The following PRKACB variants were observed in gnomAD, a reference collection of about 807,000 sequenced individuals.
The protein encoded by PRKACB is protein kinase cAMP-activated catalytic subunit beta, also known as cAMP-dependent protein kinase catalytic subunit beta.
Under a neutral mutation model 51.4 loss-of-function variants are expected in PRKACB, and 16 were observed. The observed-to-expected ratio is 0.31, with a 90% CI of 0.21 to 0.47. The LOEUF (loss-of-function observed/expected upper bound fraction) is 0.47. Among genes scored for constraint, PRKACB ranks in the 20% least tolerant of loss-of-function variants. The pLI is 1.00. For synonymous variants in PRKACB, 147 were observed against 154.4 expected (o/e 0.95, Z 0.35); for missense variants, 309 against 464.5 (o/e 0.67, Z 3.08).
chr1:84,216,323 A>T (rs138671186), intron 9 of PRKACB, among the ~76,000 whole-genome samples: 43 of 152,252 alleles, frequency 2.8e-4, no homozygotes, highest in African/African-American at 1.0e-3. Flanking sequence ...TGGGTGACAG[A>T]ACAAGACCCC....
chr1:84,146,293 T>C (rs1488167837), intron 1 of PRKACB, among the ~76,000 whole-genome samples: 2 of 151,958 alleles, frequency 1.3e-5, no homozygotes, highest in Non-Finnish European at 2.9e-5. Flanking sequence ...ATTCCTCTAC[T>C]TGACTCTCCT....
At chr1:84,160,941 G>A (rs951607257) in intron 1 of PRKACB, among the ~76,000 whole-genome samples, 2 of 151,838 alleles carry the variant, frequency 1.3e-5, no homozygotes, top group African/African-American at 2.4e-5. Context: ...ATAAGAATGT[G>A]TATTCTGCTG....
chr1:84,168,254 G>C (rs1658178276), intron 1 of PRKACB, among the ~76,000 whole-genome samples: 1 of 151,552 alleles, frequency 6.6e-6, no homozygotes. Context: ...TTTTCTCTCT[G>C]AGATCACATG....
intron 1 of PRKACB, among the ~76,000 whole-genome samples, chr1:84,129,650 C>G (rs890738581): frequency 6.6e-6 from 1 of 152,114 alleles, no homozygotes; most frequent in Non-Finnish European, 1.5e-5. Context: ...ATGAGATTAG[C>G]TTCTAGTTCC....
At chr1:84,233,069 G>A (rs1423925874) in intron 9 of PRKACB, among the ~76,000 whole-genome samples, 1 of 151,448 alleles carries the variant, frequency 6.6e-6, no homozygotes, top group African/African-American at 2.4e-5. Flanking sequence ...TCCTTTCCAT[G>A]TTTAGCACTT....
intron 1 of PRKACB, among the ~76,000 whole-genome samples, chr1:84,088,458 T>C (rs1002440662): frequency 1.3e-5 from 2 of 152,208 alleles, no homozygotes; most frequent in Non-Finnish European, 2.9e-5. Flanking sequence ...GTATTCTTCT[T>C]AAGTAGATGA....
chr1:84,181,276 A>T (rs950628972), intron 2 of PRKACB, among the ~76,000 whole-genome samples: 2 of 151,964 alleles, frequency 1.3e-5, no homozygotes, highest in Non-Finnish European at 2.9e-5. Context: ...CAAGCTAAAC[A>T]CTACATACTG....
chr1:84,157,900 T>C (rs1050300115), intron 1 of PRKACB, among the ~76,000 whole-genome samples: 1 of 152,134 alleles, frequency 6.6e-6, no homozygotes, highest in Non-Finnish European at 1.5e-5. Flanking sequence ...TTATTTCTCT[T>C]GGGTAGATAT....
At chr1:84,180,202 ATATATAT>A in intron 2 of PRKACB, among the ~76,000 whole-genome samples, 1 of 121,290 alleles carries the variant, frequency 8.2e-6, no homozygotes, top group South Asian at 2.8e-4. Context: ...ATATATATAT[ATATATAT>A]GTATGATGGA....
chr1:84,107,416 A>G (rs976912855), intron 1 of PRKACB, among the ~76,000 whole-genome samples: 104 of 152,180 alleles, frequency 6.8e-4, no homozygotes, highest in African/African-American at 2.4e-3. Flanking sequence ...CATTTTGGAC[A>G]TAAGAACGGG....
At chr1:84,205,184 T>C in intron 8 of PRKACB, 1 of 983,938 alleles carries the variant, frequency 1.0e-6, no homozygotes, top group Non-Finnish European at 1.2e-6. Flanking sequence ...CTCCCTTTAC[T>C]CATCTAAAGT....
At chr1:84,115,130 A>G (rs1339124001) in intron 1 of PRKACB, among the ~76,000 whole-genome samples, 1 of 151,748 alleles carries the variant, frequency 6.6e-6, no homozygotes, top group Non-Finnish European at 1.5e-5. Context: ...CCATAGTGGC[A>G]GTACTAATTT....
intron 8 of PRKACB, among the ~76,000 whole-genome samples, chr1:84,203,838 C>T (rs570451992): frequency 1.3e-5 from 2 of 151,716 alleles, no homozygotes; most frequent in Non-Finnish European, 3.0e-5. Flanking sequence ...ATTTTGTGAC[C>T]TTCTTAGGCA....
At chr1:84,116,783 C>T (rs975321497) in intron 1 of PRKACB, among the ~76,000 whole-genome samples, 11 of 152,144 alleles carry the variant, frequency 7.2e-5, no homozygotes, top group African/African-American at 2.4e-4. Context: ...TTGACTTCCT[C>T]TTCTCCAATT....
rs75049182 is a variant in PRKACB at position 84,096,358 on chromosome 1, A to G, written c.46+17987A>G. On this transcript the variant is annotated intron_variant, in intron 1 of 8. Transcript: ENST00000370688. ...TGTTCTTTAGTGTCATGCCTTAGGT[A>G]TCTTAAACATCTGAATGCTTCAAGA... Among the ~76,000 whole-genome samples, 1,258 of 152,234 alleles carry G rather than the reference A, an allele frequency of 8.3e-3. 7 individuals carry two copies. The highest frequency in any genetic ancestry group is 0.013 in the Non-Finnish European group (885 of 67,974).
chr1:84,091,944 A>G (rs999913217), intron 1 of PRKACB, among the ~76,000 whole-genome samples: 16 of 152,206 alleles, frequency 1.1e-4, no homozygotes, highest in Admixed American at 9.8e-4. Context: ...TAACAATAAC[A>G]GTGGGAGCCA....
chr1:84,206,185 TA>T (rs1671316004), intron 8 of PRKACB, among the ~76,000 whole-genome samples: 1 of 152,198 alleles, frequency 6.6e-6, no homozygotes, highest in East Asian at 1.9e-4. Flanking sequence ...TCAACATATC[TA>T]ATGTAAATAT....
chr1:84,158,687 T>C (rs976823049), intron 1 of PRKACB, among the ~76,000 whole-genome samples: 3 of 152,170 alleles, frequency 2.0e-5, no homozygotes, highest in Non-Finnish European at 4.4e-5. Context: ...GTCCAATTTA[T>C]CGTTTTTTCC....
chr1:84,177,437 T>C (rs1369387716), intron 1 of PRKACB, among the ~76,000 whole-genome samples: 12 of 152,040 alleles, frequency 7.9e-5, no homozygotes, highest in Admixed American at 7.9e-4. Flanking sequence ...CCATCCTAAA[T>C]TCCAAGAAAA....
Sources: allele counts gnomAD v4.1 joint callset (sites outside exome capture counted in the v4.1 genomes callset), GRCh38; gene constraint gnomAD v4.1.1; transcripts MANE v1.5; gene names NCBI Gene and HGNC (gene_info 2026-07-23, HGNC 2026-07-21).